LPP: variants seen among roughly 807,000 people sequenced by gnomAD.
The protein encoded by LPP is lipoma-preferred partner.
A neutral mutation model predicts 60.4 loss-of-function variants in LPP; 38 were observed. That is an observed-to-expected ratio of 0.63 (90% CI 0.49 to 0.83). The LOEUF is 0.83. Among genes scored for constraint, LPP ranks in the 40% least tolerant of loss-of-function variants. The pLI is 0.00. For missense variants in LPP, 902 were observed against 783.6 expected (o/e 1.15, Z -1.80); for synonymous variants, 328 against 290.8 (o/e 1.13, Z -1.30).
At chr3:188,287,636 A>G (rs1481148713) in intron 2 of LPP, among the ~76,000 whole-genome samples, 1 of 152,180 alleles carries the variant, frequency 6.6e-6, no homozygotes, top group African/African-American at 2.4e-5. Flanking sequence ...AGGAAGGTGG[A>G]TGAAGGAAAA....
At chr3:188,519,237 G>T (rs1818226692) in intron 5 of LPP, among the ~76,000 whole-genome samples, 1 of 152,082 alleles carries the variant, frequency 6.6e-6, no homozygotes, top group South Asian at 2.1e-4. Flanking sequence ...CACCAAGCAT[G>T]GGCCAAACTG....
At chr3:188,633,536 G>A (rs1848205325) in intron 7 of LPP, among the ~76,000 whole-genome samples, 1 of 152,126 alleles carries the variant, frequency 6.6e-6, no homozygotes, top group Non-Finnish European at 1.5e-5. Flanking sequence ...CTGGTCCTCT[G>A]TCTACAGTGA....
At chr3:188,204,453 C>T (rs9854900) in intron 1 of LPP, among the ~76,000 whole-genome samples, 18 of 151,946 alleles carry the variant, frequency 1.2e-4, no homozygotes, top group Non-Finnish European at 2.4e-4. Flanking sequence ...ATTGGAGTAG[C>T]GGGGGGTGAT....
At position 188,760,154 on chromosome 3, in the gene LPP, A is replaced by G. The variant is rs1383612566; in HGVS notation, c.1282A>G (p.Thr428Ala). ...RCGENVVGEG[T>A]GCTAMDQVFH... ...TGGAGAAAACGTAGTTGGGGAAGGT[A>G]CAGGATGCACTGCCATGGATCAGGT... Residue 428 changes from threonine (T) to alanine (A), a missense_variant, in exon 9 of 12, where the codon ACA becomes GCA. By Grantham distance (58) the Thr-to-Ala change is moderately conservative. Transcript: ENST00000617246. The G allele has an allele frequency of 3.7e-6, 6 of 1,614,090 alleles. No homozygotes were observed. In the Admixed American group the frequency reaches 6.7e-5, roughly 18 times the overall value.
At chr3:188,351,009 G>A (rs1292153038) in intron 3 of LPP, among the ~76,000 whole-genome samples, 1 of 152,116 alleles carries the variant, frequency 6.6e-6, no homozygotes, top group Non-Finnish European at 1.5e-5. Context: ...CTGGAATTCA[G>A]TCTTAGCAAT....
chr3:188,665,026 A>G (rs1855461258), intron 7 of LPP, among the ~76,000 whole-genome samples: 1 of 152,148 alleles, frequency 6.6e-6, no homozygotes, highest in Non-Finnish European at 1.5e-5. Flanking sequence ...CCATTTCTTC[A>G]GTGACCACGT....
intron 3 of LPP, among the ~76,000 whole-genome samples, chr3:188,356,087 G>A (rs146211803): frequency 0.037 from 5,701 of 152,200 alleles, 151 homozygotes; most frequent in Non-Finnish European, 0.061. Context: ...AACTTATAGC[G>A]CGGATGTTTT....
chr3:188,575,114 G>A (rs994527711), intron 6 of LPP, among the ~76,000 whole-genome samples: 2 of 151,976 alleles, frequency 1.3e-5, no homozygotes, highest in Admixed American at 1.3e-4. Context: ...TTTCCAAATT[G>A]CCTCTGACAT....
chr3:188,852,337 C>G lies in LPP; in HGVS notation c.1411-13863C>G, dbSNP rs372039670. 1.6e-4 allele frequency among the ~76,000 whole-genome samples: 25 copies of G among 152,260 alleles called. No individual in the cohort carries two copies. The East Asian group carries it at 3.9e-3, about 24-fold the overall frequency. On this transcript the variant is annotated intron_variant, in intron 9 of 11. Transcript: ENST00000617246. ...AACAACTTGGGGTCTTCAGGTATCT[C>G]CCTCTATCTGCATGTGGTCTCTCCA...
intron 1 of LPP, chr3:188,179,429 T>C (rs2148885988): frequency 6.6e-6 from 3 of 457,914 alleles, no homozygotes; most frequent in South Asian, 4.6e-5. Flanking sequence ...CACCTGACAT[T>C]CTGTCCTTTG....
intron 2 of LPP, among the ~76,000 whole-genome samples, chr3:188,255,910 T>C (rs1424778733): frequency 6.6e-6 from 1 of 152,206 alleles, no homozygotes. Flanking sequence ...ATCATTGCAT[T>C]GATGCGAACA....
chr3:188,284,521 T>C (rs1212364614), intron 2 of LPP, among the ~76,000 whole-genome samples: 3 of 151,158 alleles, frequency 2.0e-5, no homozygotes, highest in Admixed American at 2.0e-4. Context: ...GCCTAGGAGG[T>C]AGCTGTGGTG....
At chr3:188,613,255 T>C (rs112275218) in intron 7 of LPP, among the ~76,000 whole-genome samples, 3 of 131,122 alleles carry the variant, frequency 2.3e-5, no homozygotes, top group Non-Finnish European at 4.9e-5. Flanking sequence ...TATATCTATA[T>C]CTATACCTAT....
At chr3:188,325,272 C>T (rs942860930) in intron 2 of LPP, among the ~76,000 whole-genome samples, 3 of 152,134 alleles carry the variant, frequency 2.0e-5, no homozygotes, top group Non-Finnish European at 4.4e-5. Flanking sequence ...TGAGCCACTG[C>T]GCCTGGCCTC....
At chr3:188,480,099 C>A (rs780644348) in intron 4 of LPP, among the ~76,000 whole-genome samples, 1 of 152,124 alleles carries the variant, frequency 6.6e-6, no homozygotes. Context: ...TTCTCAAGGC[C>A]GCATCCTTTT....
chr3:188,277,935 G>A (rs181656896), intron 2 of LPP, among the ~76,000 whole-genome samples: 21 of 152,306 alleles, frequency 1.4e-4, no homozygotes, highest in African/African-American at 4.8e-4. Flanking sequence ...GTAGAGATAA[G>A]GCAGAGCTTG....
At chr3:188,437,443 A>G (rs1281632244) in intron 4 of LPP, among the ~76,000 whole-genome samples, 1 of 152,228 alleles carries the variant, frequency 6.6e-6, no homozygotes, top group Non-Finnish European at 1.5e-5. Context: ...GTTTAAAGAT[A>G]TTCCACACAC....
At chr3:188,764,314 T>C (rs1733326274) in intron 9 of LPP, among the ~76,000 whole-genome samples, 1 of 152,238 alleles carries the variant, frequency 6.6e-6, no homozygotes, top group African/African-American at 2.4e-5. Flanking sequence ...TTCTCCCATG[T>C]CTTCACAGAT....
At chr3:188,382,448 T>C (rs1008557957) in intron 3 of LPP, among the ~76,000 whole-genome samples, 1 of 152,204 alleles carries the variant, frequency 6.6e-6, no homozygotes, top group African/African-American at 2.4e-5. Context: ...GTCTACCCTG[T>C]CTCTCTCACA....
Sources: allele counts gnomAD v4.1 joint callset (sites outside exome capture counted in the v4.1 genomes callset), GRCh38; gene constraint gnomAD v4.1.1; transcripts MANE v1.5; gene names NCBI Gene and HGNC (gene_info 2026-07-23, HGNC 2026-07-21).